Variants in ANKRD44 observed in about 807,000 individuals in gnomAD.
The protein encoded by ANKRD44 is ankyrin repeat domain 44.
A neutral mutation model predicts 116.0 loss-of-function variants in ANKRD44; 35 were observed. The observed-to-expected ratio is 0.30, with a 90% CI of 0.23 to 0.40. The LOEUF is 0.40. Ranked by LOEUF, ANKRD44 falls within the 10% of genes least tolerant of loss-of-function variation. The probability of loss-of-function intolerance (pLI) is 1.00; values close to 1 mark genes in which losing one functional copy is unlikely to be tolerated. For missense variants in ANKRD44, 1,014 were observed against 1,242.6 expected (o/e 0.82, Z 2.77); for synonymous variants, 435 against 461.8 (o/e 0.94, Z 0.74).
chr2:197,006,501 G>A (rs1464405408), intron 20 of ANKRD44, among the ~76,000 whole-genome samples: 1 of 152,086 alleles, frequency 6.6e-6, no homozygotes, highest in East Asian at 1.9e-4. Context: ...TTTAGAATCA[G>A]GAAGATCTAA....
At chr2:197,013,864 G>T in intron 17 of ANKRD44, 152 bp from the exon 18 acceptor site, 2 of 691,870 alleles carry the variant, frequency 2.9e-6, no homozygotes, top group Admixed American at 5.6e-5. Flanking sequence ...TAAAACTCAG[G>T]CAAGCTGGAG....
chr2:197,214,889 T>G (rs2081409844), intron 1 of ANKRD44, among the ~76,000 whole-genome samples: 1 of 152,160 alleles, frequency 6.6e-6, no homozygotes, highest in African/African-American at 2.4e-5. Flanking sequence ...TTTGTTTTGT[T>G]TTTTTTGAGA....
chr2:197,175,970 C>A (rs943065217), intron 2 of ANKRD44, among the ~76,000 whole-genome samples: 6 of 152,112 alleles, frequency 3.9e-5, no homozygotes, highest in African/African-American at 1.4e-4. Flanking sequence ...CAGTTCCGGA[C>A]AATATATAAG....
intron 1 of ANKRD44, among the ~76,000 whole-genome samples, chr2:197,227,933 G>T (rs951000957): frequency 4.6e-5 from 7 of 152,208 alleles, no homozygotes; most frequent in Non-Finnish European, 8.8e-5. Flanking sequence ...GAACAAAGAA[G>T]ATGAAGTCTG....
chr2:197,085,309 A>C (rs2077893890), intron 13 of ANKRD44, among the ~76,000 whole-genome samples: 1 of 152,190 alleles, frequency 6.6e-6, no homozygotes, highest in South Asian at 2.1e-4. Flanking sequence ...TAGGGAGAAA[A>C]TGATACCCAG....
intron 27 of ANKRD44, chr2:196,990,988 A>T: frequency 8.3e-7 from 1 of 1,200,928 alleles, no homozygotes; most frequent in Non-Finnish European, 1.0e-6. Context: ...AGGCACGAGC[A>T]TTCCACAGTA....
At chr2:197,064,466 G>A (rs998032368) in intron 16 of ANKRD44, among the ~76,000 whole-genome samples, 2 of 152,144 alleles carry the variant, frequency 1.3e-5, no homozygotes, top group African/African-American at 2.4e-5. Flanking sequence ...AAGCTTAAAC[G>A]TAAATGGGCT....
chr2:197,148,704 A>T (rs1426807431), intron 2 of ANKRD44, among the ~76,000 whole-genome samples: 1 of 152,202 alleles, frequency 6.6e-6, no homozygotes, highest in Non-Finnish European at 1.5e-5. Context: ...TTTTTTAGAA[A>T]GTCTGGTAAG....
At chr2:197,104,634 G>T (rs758662620) in intron 9 of ANKRD44, among the ~76,000 whole-genome samples, 8 of 152,166 alleles carry the variant, frequency 5.3e-5, no homozygotes, top group African/African-American at 1.9e-4. Flanking sequence ...TAATAAGATC[G>T]TCCATAAGGT....
rs145551709 is a variant in ANKRD44 at position 197,148,131 on chromosome 2, A to G, written c.112-1026T>C. 4.2e-3 allele frequency among the ~76,000 whole-genome samples: 644 copies of G among 152,332 alleles called. 3 individuals carry two copies. The highest frequency in any genetic ancestry group is 0.014 in the African/African-American group (588 of 41,572). ...AGGACTGATAAGAGGACTAAAGATC[A>G]TATAAGTAAATAAAGCCCTAGGCAA... On this transcript the variant is annotated intron_variant, in intron 2 of 27. Transcript: ENST00000282272.
At chr2:196,998,544 T>C in intron 24 of ANKRD44, 125 bp from the exon 25 acceptor site, 1 of 751,820 alleles carries the variant, frequency 1.3e-6, no homozygotes, top group South Asian at 2.0e-5. Flanking sequence ...ATTTAATGTA[T>C]TTAAAGAAAA....
intron 16 of ANKRD44, among the ~76,000 whole-genome samples, chr2:197,045,447 T>C (rs576614291): frequency 1.1e-3 from 165 of 151,234 alleles, no homozygotes; most frequent in African/African-American, 3.8e-3. Context: ...TTTCCACCTG[T>C]GTTATTCATT....
At chr2:197,045,858 T>C (rs1277348769) in intron 16 of ANKRD44, among the ~76,000 whole-genome samples, 2 of 151,888 alleles carry the variant, frequency 1.3e-5, no homozygotes, top group Non-Finnish European at 2.9e-5. Flanking sequence ...ATGCATAAAT[T>C]TGAAAAAAAA....
At chr2:196,993,540 T>C in intron 27 of ANKRD44, 43 bp downstream of exon 27, 2 of 1,472,074 alleles carry the variant, frequency 1.4e-6, no homozygotes, top group Non-Finnish European at 1.9e-6. Context: ...TTCAACTAGC[T>C]TATGGAAGGT....
intron 16 of ANKRD44, among the ~76,000 whole-genome samples, chr2:197,067,316 A>G (rs2077455685): frequency 1.3e-5 from 2 of 152,202 alleles, no homozygotes; most frequent in African/African-American, 4.8e-5. Flanking sequence ...TGTTAGACCT[A>G]ACACCTAAAA....
intron 1 of ANKRD44, among the ~76,000 whole-genome samples, chr2:197,192,970 A>G (rs2080859806): frequency 6.6e-6 from 1 of 152,226 alleles, no homozygotes; most frequent in African/African-American, 2.4e-5. Context: ...GTAAATATAT[A>G]TAATATTTTC....
intron 21 of ANKRD44, among the ~76,000 whole-genome samples, chr2:196,979,535 G>A (rs1158033613): frequency 7.0e-6 from 1 of 142,014 alleles, no homozygotes. Flanking sequence ...AAAGCAGCCT[G>A]AGTAATTTAA....
chr2:196,976,930 A>C (rs1409964171), intron 21 of ANKRD44, among the ~76,000 whole-genome samples: 1 of 152,088 alleles, frequency 6.6e-6, no homozygotes, highest in Non-Finnish European at 1.5e-5. Flanking sequence ...GGCTCTAAGG[A>C]ATAGTTTTTC....
chr2:197,048,101 AT>A (rs1336932845), intron 16 of ANKRD44, among the ~76,000 whole-genome samples: 2 of 152,156 alleles, frequency 1.3e-5, no homozygotes, highest in Admixed American at 1.3e-4. Context: ...AACTATATGA[AT>A]AAATATTTTA....
Sources: allele counts gnomAD v4.1 joint callset (sites outside exome capture counted in the v4.1 genomes callset), GRCh38; gene constraint gnomAD v4.1.1; transcripts MANE v1.5; gene names NCBI Gene and HGNC (gene_info 2026-07-23, HGNC 2026-07-21).